MTA3: variants seen among roughly 807,000 people sequenced by gnomAD.
The protein encoded by MTA3 is metastasis-associated protein MTA3.
In MTA3, 34 loss-of-function variants were observed where a neutral mutation model predicts 83.5. The ratio of observed to expected loss-of-function variants is 0.41; its 90% CI spans 0.31 to 0.54. The LOEUF (loss-of-function observed/expected upper bound fraction) is 0.54, where lower values mean the gene tolerates loss of function less well. MTA3 is among the 20% of genes least tolerant of loss of function. The pLI, the probability that MTA3 is intolerant of heterozygous loss-of-function variation, is 0.33. For synonymous variants in MTA3, 303 were observed against 252.7 expected, an observed-to-expected ratio of 1.20 and a Z score of -1.89; for missense variants, 761 against 726.4, an observed-to-expected ratio of 1.05 and a Z score of -0.55.
chr2:42,704,403 G>C, intron 12 of MTA3, 85 bp downstream of exon 12: 1 of 1,526,900 alleles, frequency 6.5e-7, no homozygotes. Flanking sequence ...CCTGAGGTCA[G>C]TACGGTGCAC....
chr2:42,682,128 A>G (rs888327392), intron 8 of MTA3, among the ~76,000 whole-genome samples: 2 of 152,064 alleles, frequency 1.3e-5, no homozygotes, highest in African/African-American at 4.8e-5. Flanking sequence ...GGATTGCTTG[A>G]GCCCAGAAGG....
intron 2 of MTA3, among the ~76,000 whole-genome samples, chr2:42,546,470 G>A (rs1320281649): frequency 6.6e-6 from 1 of 151,342 alleles, no homozygotes; most frequent in African/African-American, 2.4e-5. Flanking sequence ...GTCATCCCCT[G>A]CCATCTAACC....
At chr2:42,709,366 C>A in intron 14 of MTA3, 2 of 1,201,600 alleles carry the variant, frequency 1.7e-6, no homozygotes, top group Non-Finnish European at 2.1e-6. Context: ...GATCCTATTC[C>A]ATGGGGTTTT....
intron 2 of MTA3, among the ~76,000 whole-genome samples, chr2:42,542,978 T>TTGG (rs1676589651): frequency 6.6e-6 from 1 of 152,046 alleles, no homozygotes; most frequent in African/African-American, 2.4e-5. Context: ...CCCGAGGAGT[T>TTGG]TGGGGCTGGG....
At chr2:42,539,080 A>C (rs984364759) in intron 2 of MTA3, among the ~76,000 whole-genome samples, 1 of 152,120 alleles carries the variant, frequency 6.6e-6, no homozygotes, top group Non-Finnish European at 1.5e-5. Flanking sequence ...GGCCTGAAAA[A>C]AATGTTATAA....
chr2:42,641,833 C>G (rs1687723313), intron 5 of MTA3, among the ~76,000 whole-genome samples: 2 of 151,706 alleles, frequency 1.3e-5, no homozygotes, highest in Admixed American at 1.3e-4. Context: ...GCTACTATAC[C>G]TCTAGTCTGG....
At chr2:42,621,061 C>T (rs1009563538) in intron 4 of MTA3, among the ~76,000 whole-genome samples, 2 of 147,690 alleles carry the variant, frequency 1.4e-5, no homozygotes, top group Non-Finnish European at 3.0e-5. Context: ...GTCAGTTATA[C>T]CTCAGTAAAG....
chr2:42,569,285 G>GC (rs1484862199), intron 1 of MTA3: 2 of 152,504 alleles, frequency 1.3e-5, no homozygotes, highest in Non-Finnish European at 2.9e-5. Context: ...CCCTTCCTCG[G>GC]CCCCCCTCCT....
intron 2 of MTA3, among the ~76,000 whole-genome samples, chr2:42,570,927 C>T (rs560758156): frequency 1.3e-4 from 20 of 151,830 alleles, no homozygotes; most frequent in Non-Finnish European, 2.4e-4. Context: ...GAAGGAGAAT[C>T]GCTTGAACCC....
intron 9 of MTA3, among the ~76,000 whole-genome samples, chr2:42,687,916 G>A (rs992255995): frequency 1.3e-5 from 2 of 152,146 alleles, no homozygotes; most frequent in African/African-American, 4.8e-5. Flanking sequence ...TGTGTGTTTA[G>A]CACCATGAAG....
intron 2 of MTA3, among the ~76,000 whole-genome samples, chr2:42,536,156 C>T (rs532916683): frequency 3.4e-5 from 5 of 148,696 alleles, no homozygotes; most frequent in East Asian, 4.0e-4. Context: ...TACCCCACAA[C>T]GGTCTCCCCC....
intron 8 of MTA3, among the ~76,000 whole-genome samples, chr2:42,664,812 C>CTTTTATTCTGAGGACTTTTA (rs1690078028): frequency 6.6e-6 from 1 of 152,112 alleles, no homozygotes; most frequent in Non-Finnish European, 1.5e-5. Flanking sequence ...ATTCTGAGGA[C>CTTTTATTCTGAGGACTTTTA]TTCAATGGGC....
At position 42,544,473 on chromosome 2, in the gene MTA3, CA is replaced by C. The variant is rs200667321; in HGVS notation, c.-140-25953del. The stretch of plus-strand genomic sequence containing the variant: ...TCTCAAAAAAAAACAAAAACAAAAA[CA>C]AAAAAAAAAACATAGTTATAGTCAT... On this transcript the variant is annotated intron_variant, in intron 2 of 17. Transcript: ENST00000405592. 6.4e-4 allele frequency among the ~76,000 whole-genome samples: 84 copies of C among 131,502 alleles called. 1 individual carries two copies. The East Asian group carries it at 8.5e-3, about 13-fold the overall frequency. 86.3% of individuals were successfully genotyped at this position (131,502 alleles called of 152,430 possible). A position where few individuals can be genotyped will look rare whatever the true frequency, so the allele number is the denominator to read the frequency against.
Position 42,570,618 on chromosome 2 carries a change from G to A in MTA3, c.96+114G>A, listed in dbSNP as rs189219150. 7 of 535,100 alleles carry A rather than the reference G, an allele frequency of 1.3e-5. No homozygotes were observed. In the East Asian group the frequency reaches 2.2e-4, roughly 17 times the overall value. The allele number at this position is 535,100 out of a possible 1,614,324, so 33.1% of individuals were successfully genotyped here. On this transcript the variant is annotated intron_variant, in intron 2 of 16. Coordinates refer to ENST00000405094, the MANE Select transcript of MTA3 (RefSeq NM_001330442.2). ...CTCATGCCTGCAATCCCAGTAAATT[G>A]GGAGGCCTGGCGAGTGGATAGCTTG... is the stretch of plus-strand genomic sequence containing the variant.
chr2:42,697,714 CA>C (rs1382685329), intron 10 of MTA3, 61 bp from the exon 11 acceptor site: 5 of 1,128,772 alleles, frequency 4.4e-6, no homozygotes, highest in Non-Finnish European at 6.3e-6. Context: ...ATTTTTAAGA[CA>C]ATGAACAGTA....
intron 2 of MTA3, among the ~76,000 whole-genome samples, chr2:42,498,992 G>A (rs546065593): frequency 6.6e-6 from 1 of 152,048 alleles, no homozygotes; most frequent in Non-Finnish European, 1.5e-5. Flanking sequence ...GCACTATGAG[G>A]TTATCCCAAG....
rs1667067300 is a variant in MTA3 at position 42,716,870 on chromosome 2, A to C, written c.1526-2118A>C. The stretch of plus-strand genomic sequence containing the variant: ...TCCAGTAGTGGGATTGTTGGGTGAT[A>C]GTTCTGTTTCTAGCTCTTTGAGGAA... On this transcript the variant is annotated intron_variant, in intron 14 of 16. Transcript: ENST00000405094. Among the ~76,000 whole-genome samples, 3 of 152,160 alleles carry C rather than the reference A, an allele frequency of 2.0e-5. No homozygotes were observed. The South Asian group carries it at 6.2e-4, about 32-fold the overall frequency.
intron 4 of MTA3, among the ~76,000 whole-genome samples, chr2:42,616,708 A>G (rs1317006756): frequency 6.7e-6 from 1 of 149,286 alleles, no homozygotes; most frequent in African/African-American, 2.5e-5. Flanking sequence ...CCTCCTGCAT[A>G]GCTAGGATTA....
chr2:42,522,003 C>T (rs989057154), intron 2 of MTA3, among the ~76,000 whole-genome samples: 2 of 152,128 alleles, frequency 1.3e-5, no homozygotes, highest in Non-Finnish European at 2.9e-5. Flanking sequence ...ATCCACCTGC[C>T]TCGGCCTCCC....
Sources: gnomAD v4.1 joint callset for allele counts (sites outside exome capture counted in the v4.1 genomes callset) on GRCh38, gnomAD v4.1.1 for gene constraint, MANE v1.5 for transcripts, NCBI Gene and HGNC (gene_info 2026-07-23, HGNC 2026-07-21) for gene names.